MNAT1: variants seen among roughly 807,000 people sequenced by gnomAD.
MNAT1 encodes the protein CDK-activating kinase assembly factor MAT1.
In MNAT1, 43 loss-of-function variants were observed where a neutral mutation model predicts 42.0. The observed-to-expected ratio is 1.02, with a 90% confidence interval of 0.80 to 1.32. The LOEUF (loss-of-function observed/expected upper bound fraction) is 1.32. Among genes scored for constraint, MNAT1 ranks in the 40% most tolerant of loss-of-function variants. The pLI is 0.00. For missense variants in MNAT1, 306 were observed against 350.4 expected, an observed-to-expected ratio of 0.87 and a Z score of 1.01; for synonymous variants, 118 against 120.0, an observed-to-expected ratio of 0.98 and a Z score of 0.11.
intron 3 of MNAT1, 23 bp from the exon 4 acceptor site, chr14:60,808,302 T>C (rs768105968): frequency 7.1e-7 from 1 of 1,412,054 alleles, no homozygotes; most frequent in South Asian, 1.3e-5. Context: ...ATTTTTCATG[T>C]CATCGTTTCC....
intron 6 of MNAT1, among the ~76,000 whole-genome samples, chr14:60,846,257 G>A (rs552503770): frequency 2.0e-5 from 3 of 152,116 alleles, no homozygotes; most frequent in Non-Finnish European, 4.4e-5. Context: ...TGTAGGGTCA[G>A]GATCACGTTC....
In MNAT1 at chr14:60,740,618, C is replaced by G. The variant is rs1385645261; in HGVS notation, c.89+5667C>G. On this transcript the variant is annotated intron_variant, in intron 1 of 7. Coordinates refer to ENST00000261245, the MANE Select transcript of MNAT1 (RefSeq NM_002431.4). The surrounding 1 kb of genome is among the most constrained non-coding windows in gnomAD (Gnocchi z 4.1). Reference sequence around the variant, plus strand: ...TGTGCAAATTGGGAAACAGAGCCCCCTCTGGGTAGAAAATTAGGAAAAGGC... The same window carrying G: ...TGTGCAAATTGGGAAACAGAGCCCCGTCTGGGTAGAAAATTAGGAAAAGGC... Among the ~76,000 whole-genome samples the G allele has an allele frequency of 2.6e-5, 4 of 152,130 alleles. No individual in the cohort carries two copies. Among genetic ancestry groups the G allele is most frequent in the Admixed American group, 2.0e-4 (3 of 15,276 alleles).
At chr14:60,920,802 A>T (rs112088362) in intron 7 of MNAT1, among the ~76,000 whole-genome samples, 2,689 of 152,292 alleles carry the variant, frequency 0.018, 61 homozygotes, top group African/African-American at 0.056. Flanking sequence ...TTAAGTTTGT[A>T]GAAATTGTAT....
intron 7 of MNAT1, among the ~76,000 whole-genome samples, chr14:60,965,455 G>A (rs2036664361): frequency 6.6e-6 from 1 of 152,124 alleles, no homozygotes; most frequent in Non-Finnish European, 1.5e-5. Context: ...TATTTTACTG[G>A]TGGTCCTCTG....
rs537981319 is a variant in MNAT1 at position 60,760,373 on chromosome 14, A to C, written c.89+25422A>C. ...TGGTTAATTCCCTGCAACAGTGTAC[A>C]AAAGTGCCTTTCCCCCACCACACTT... On this transcript the variant is annotated intron_variant, in intron 1 of 7. Coordinates refer to ENST00000261245, the MANE Select transcript of MNAT1 (RefSeq NM_002431.4). Among the ~76,000 whole-genome samples the C allele has an allele frequency of 1.6e-4, 25 of 152,278 alleles. No homozygotes were observed. In the South Asian group the frequency reaches 1.7e-3, roughly 10 times the overall value.
At chr14:60,805,517 G>A (rs1417158431) in intron 3 of MNAT1, among the ~76,000 whole-genome samples, 9 of 152,154 alleles carry the variant, frequency 5.9e-5, no homozygotes, top group Non-Finnish European at 1.3e-4. Context: ...ATATCATACA[G>A]AGTCATTTTA....
chr14:60,845,270 T>G (rs2033654421), intron 6 of MNAT1, among the ~76,000 whole-genome samples: 1 of 151,970 alleles, frequency 6.6e-6, no homozygotes, highest in Admixed American at 6.6e-5. Context: ...GTATATAGGT[T>G]TTTTATAAAC....
At chr14:60,766,290 T>A (rs2030813917) in intron 1 of MNAT1, among the ~76,000 whole-genome samples, 2 of 148,806 alleles carry the variant, frequency 1.3e-5, no homozygotes, top group South Asian at 4.2e-4. Flanking sequence ...GAGGTTATAA[T>A]GAGTTGAGAT....
rs147013840 is a variant in MNAT1 at position 60,828,074 on chromosome 14, T to C, written c.687+9227T>C. On this transcript the variant is annotated intron_variant, in intron 6 of 7. Transcript: ENST00000261245. Reference sequence around the variant, plus strand: ...ATGAATAGCTTCATGATTAAAACTGTAAATTTGAATTTTGTTATTTCAGAA... The same window carrying C: ...ATGAATAGCTTCATGATTAAAACTGCAAATTTGAATTTTGTTATTTCAGAA... Among the ~76,000 whole-genome samples, 610 of 152,318 alleles carry C rather than the reference T, an allele frequency of 4.0e-3. 6 individuals are homozygous for C. Among genetic ancestry groups the C allele is most frequent in the African/African-American group, 0.013 (561 of 41,586 alleles).
At chr14:60,955,394 G>A (rs2036469254) in intron 7 of MNAT1, among the ~76,000 whole-genome samples, 1 of 152,042 alleles carries the variant, frequency 6.6e-6, no homozygotes, top group African/African-American at 2.4e-5. Context: ...AGGTGTGGTG[G>A]CTCACACCTG....
At chr14:60,966,190 G>A (rs928725868) in intron 7 of MNAT1, among the ~76,000 whole-genome samples, 2 of 149,320 alleles carry the variant, frequency 1.3e-5, no homozygotes, top group Non-Finnish European at 3.0e-5. Flanking sequence ...GCAGTGGTGC[G>A]ATCTCCGCTC....
intron 7 of MNAT1, among the ~76,000 whole-genome samples, chr14:60,955,187 G>C (rs1423453011): frequency 6.6e-6 from 1 of 151,942 alleles, no homozygotes; most frequent in Non-Finnish European, 1.5e-5. Context: ...TAATATCCTT[G>C]TTTGGCTTTT....
chr14:60,778,400 G>C (rs899626376), intron 1 of MNAT1, among the ~76,000 whole-genome samples: 1 of 152,132 alleles, frequency 6.6e-6, no homozygotes, highest in Non-Finnish European at 1.5e-5. Flanking sequence ...GACCAGTTTG[G>C]TTAAGTGCTT....
At chr14:60,911,923 T>C (rs897413715) in intron 7 of MNAT1, among the ~76,000 whole-genome samples, 23 of 152,124 alleles carry the variant, frequency 1.5e-4, no homozygotes, top group African/African-American at 5.1e-4. Flanking sequence ...CAGTGGGGTG[T>C]TAAAGTCTCC....
chr14:60,893,941 T>G (rs1275680588), intron 7 of MNAT1, among the ~76,000 whole-genome samples: 1 of 152,192 alleles, frequency 6.6e-6, no homozygotes, highest in Non-Finnish European at 1.5e-5. Context: ...TGGTGCTTTC[T>G]TAGTGTTCCT....
chr14:60,780,532 A>C, intron 1 of MNAT1: 2 of 1,542,070 alleles, frequency 1.3e-6, no homozygotes, highest in Non-Finnish European at 1.8e-6. Flanking sequence ...GCCTTTGTTC[A>C]TTTACTACTA....
chr14:60,876,326 A>G (rs1342100865), intron 6 of MNAT1, among the ~76,000 whole-genome samples: 1 of 152,048 alleles, frequency 6.6e-6, no homozygotes, highest in African/African-American at 2.4e-5. Flanking sequence ...AATTTCTGAC[A>G]TTACACTTTT....
intron 1 of MNAT1, chr14:60,780,338 CAGAA>C: frequency 1.3e-6 from 2 of 1,570,548 alleles, no homozygotes. Flanking sequence ...AGAAAAGTCT[CAGAA>C]AGCTATTCAG....
chr14:60,941,786 T>C (rs184041931), intron 7 of MNAT1, among the ~76,000 whole-genome samples: 1 of 149,838 alleles, frequency 6.7e-6, no homozygotes, highest in South Asian at 2.1e-4. Flanking sequence ...GGGCGGATCA[T>C]GAGGTCAGGA....
Sources: allele counts gnomAD v4.1 joint callset (sites outside exome capture counted in the v4.1 genomes callset), GRCh38; gene constraint gnomAD v4.1.1; non-coding constraint Gnocchi (gnomAD v3.1); transcripts MANE v1.5; gene names NCBI Gene and HGNC (gene_info 2026-07-23, HGNC 2026-07-21).